The following ZCWPW2 variants were observed in gnomAD, a reference collection of about 807,000 sequenced individuals.
The protein encoded by ZCWPW2 is zinc finger CW-type and PWWP domain containing 2.
Under a neutral mutation model 46.6 loss-of-function variants are expected in ZCWPW2, and 45 were observed. The observed-to-expected ratio is 0.96, with a 90% CI of 0.76 to 1.24. The LOEUF is 1.24. Ranked by LOEUF, ZCWPW2 falls within the 50% of genes most tolerant of loss-of-function variation. The pLI, the probability that ZCWPW2 is intolerant of heterozygous loss-of-function variation, is 0.00. For missense variants in ZCWPW2, 429 were observed against 403.9 expected, an observed-to-expected ratio of 1.06 and a Z score of -0.53; for synonymous variants, 152 against 137.1, an observed-to-expected ratio of 1.11 and a Z score of -0.76.
intron 6 of ZCWPW2, among the ~76,000 whole-genome samples, chr3:28,498,608 C>T (rs777967065): frequency 6.6e-6 from 1 of 151,376 alleles, no homozygotes; most frequent in African/African-American, 2.4e-5. Flanking sequence ...CTCAGACTTA[C>T]AATAGTATCA....
At chr3:28,356,487 A>C (rs1704735955) in intron 1 of ZCWPW2, among the ~76,000 whole-genome samples, 1 of 152,260 alleles carries the variant, frequency 6.6e-6, no homozygotes, top group African/African-American at 2.4e-5. Flanking sequence ...TATTTGATCC[A>C]GCCATCCCAT....
At chr3:28,505,308 C>G (rs377319596) in intron 6 of ZCWPW2, among the ~76,000 whole-genome samples, 1 of 152,110 alleles carries the variant, frequency 6.6e-6, no homozygotes, top group African/African-American at 2.4e-5. Context: ...GTCTTATTGC[C>G]AGGGACTGGT....
chr3:28,480,283 C>A (rs1699382971), intron 5 of ZCWPW2, among the ~76,000 whole-genome samples: 1 of 152,124 alleles, frequency 6.6e-6, no homozygotes, highest in African/African-American at 2.4e-5. Context: ...GAGATAGTAT[C>A]TCATGGTTTT....
chr3:28,392,871 A>AATT (rs1267090618), intron 2 of ZCWPW2, among the ~76,000 whole-genome samples: 30 of 152,192 alleles, frequency 2.0e-4, no homozygotes, highest in African/African-American at 6.5e-4. Flanking sequence ...AAGAGTTTAA[A>AATT]TAAAGTTTAC....
At chr3:28,503,350 A>G (rs925521605) in intron 6 of ZCWPW2, among the ~76,000 whole-genome samples, 4 of 152,144 alleles carry the variant, frequency 2.6e-5, no homozygotes, top group African/African-American at 9.6e-5. Context: ...TTTGCTGATT[A>G]TATTTATTGA....
intron 4 of ZCWPW2, among the ~76,000 whole-genome samples, chr3:28,477,042 A>G (rs1342644191): frequency 6.6e-6 from 1 of 152,136 alleles, no homozygotes; most frequent in Non-Finnish European, 1.5e-5. Context: ...GGAATATTAT[A>G]GCAACTGTTC....
intron 2 of ZCWPW2, among the ~76,000 whole-genome samples, chr3:28,403,731 A>G (rs762880750): frequency 6.6e-6 from 1 of 152,188 alleles, no homozygotes; most frequent in Non-Finnish European, 1.5e-5. Context: ...AGAACTCAGA[A>G]ATAAACCCAA....
At chr3:28,506,810 G>A (rs1048708643) in intron 6 of ZCWPW2, among the ~76,000 whole-genome samples, 8 of 151,968 alleles carry the variant, frequency 5.3e-5, no homozygotes, top group Admixed American at 1.3e-4. Flanking sequence ...AAGTTCCCTC[G>A]GTCATATGCT....
At chr3:28,371,254 C>G (rs62251141) in intron 1 of ZCWPW2, among the ~76,000 whole-genome samples, 31,642 of 151,860 alleles carry the variant, frequency 0.21, 3,696 homozygotes, top group Admixed American at 0.28. Flanking sequence ...ATTTTTCTGA[C>G]GCTTGTTAAA....
chr3:28,487,724 T>A (rs1389684346), intron 5 of ZCWPW2, among the ~76,000 whole-genome samples: 1 of 152,142 alleles, frequency 6.6e-6, no homozygotes, highest in Non-Finnish European at 1.5e-5. Context: ...ATCATGATAG[T>A]TTAGCAGTGC....
chr3:28,439,568 T>TGGCAACTG lies in ZCWPW2; in HGVS notation c.492+4301_492+4308dup, dbSNP rs1478334255. Among the ~76,000 whole-genome samples the TGGCAACTG allele has an allele frequency of 7.9e-5, 12 of 152,256 alleles. No homozygotes were observed. In the East Asian group the frequency reaches 2.3e-3, roughly 29 times the overall value. ...TATTAACCATCACAAGCCCACCCCT[T>TGGCAACTG]GGCAACTGGAACCTATACACATCTC... On this transcript the variant is annotated intron_variant, in intron 4 of 9. Coordinates refer to ENST00000383768, the MANE Select transcript of ZCWPW2 (RefSeq NM_001040432.4).
At chr3:28,406,826 CTT>C (rs11337849) in intron 2 of ZCWPW2, among the ~76,000 whole-genome samples, 251 of 119,942 alleles carry the variant, frequency 2.1e-3, no homozygotes, top group African/African-American at 4.1e-3. Flanking sequence ...TCTTTTTTTT[CTT>C]TTTTTTTTTT....
At chr3:28,504,112 C>T (rs1226537570) in intron 6 of ZCWPW2, among the ~76,000 whole-genome samples, 1 of 151,826 alleles carries the variant, frequency 6.6e-6, no homozygotes, top group Non-Finnish European at 1.5e-5. Flanking sequence ...TGGGAGGATC[C>T]CCTGAGCCTA....
rs189046266 is a variant in ZCWPW2, at chr3:28,430,152, T to C, written c.333-4958T>C. Reference sequence around the variant, plus strand: ...AACTGGAAAAGCCACAGACACTCAATGCCAGCCTGTTAAAGCAACTGGGAG... The same window carrying C: ...AACTGGAAAAGCCACAGACACTCAACGCCAGCCTGTTAAAGCAACTGGGAG... On this transcript the variant is annotated intron_variant, in intron 3 of 9. Coordinates refer to ENST00000383768, the MANE Select transcript of ZCWPW2 (RefSeq NM_001040432.4). Among the ~76,000 whole-genome samples, 246 of 152,320 alleles carry C rather than the reference T, an allele frequency of 1.6e-3. 3 individuals carry two copies. Among genetic ancestry groups the C allele is most frequent in the African/African-American group, 5.6e-3 (231 of 41,564 alleles).
At chr3:28,416,867 C>G (rs10428073) in intron 3 of ZCWPW2, among the ~76,000 whole-genome samples, 61,710 of 121,382 alleles carry the variant, frequency 0.51, 16,311 homozygotes, top group Non-Finnish European at 0.54. Context: ...GGATGAAGCC[C>G]ACTTGATCAT....
intron 2 of ZCWPW2, among the ~76,000 whole-genome samples, chr3:28,412,770 A>G (rs1696454086): frequency 6.6e-6 from 1 of 152,050 alleles, no homozygotes; most frequent in Non-Finnish European, 1.5e-5. Context: ...GCTATATATT[A>G]GGTTAATAGA....
chr3:28,451,386 A>G (rs1487645204), intron 4 of ZCWPW2, among the ~76,000 whole-genome samples: 2 of 152,250 alleles, frequency 1.3e-5, no homozygotes, highest in Non-Finnish European at 2.9e-5. Context: ...CCATATATCA[A>G]GTCCAAATTC....
At chr3:28,404,698 C>T in intron 2 of ZCWPW2, among the ~76,000 whole-genome samples, 1 of 152,108 alleles carries the variant, frequency 6.6e-6, no homozygotes, top group Non-Finnish European at 1.5e-5. Flanking sequence ...ACTACTTAGC[C>T]ATTAAAAAGA....
rs149497051 is a variant in ZCWPW2, at chr3:28,473,867, G to A, written c.493-4947G>A. Reference sequence around the variant, plus strand: ...TATCAAGAGTACAAGGTTGGTTAACGGGCTGGGAAGGTTAATGGAGTGTCA... The same window carrying A: ...TATCAAGAGTACAAGGTTGGTTAACAGGCTGGGAAGGTTAATGGAGTGTCA... On this transcript the variant is annotated intron_variant, in intron 4 of 9. Coordinates refer to ENST00000383768, the MANE Select transcript of ZCWPW2 (RefSeq NM_001040432.4). Among the ~76,000 whole-genome samples the A allele has an allele frequency of 2.6e-3, 392 of 152,256 alleles. 1 individual carries two copies. The highest frequency in any genetic ancestry group is 8.5e-3 in the African/African-American group (353 of 41,530).
Sources: gnomAD v4.1 joint callset for allele counts (sites outside exome capture counted in the v4.1 genomes callset) on GRCh38, gnomAD v4.1.1 for gene constraint, MANE v1.5 for transcripts, NCBI Gene and HGNC (gene_info 2026-07-23, HGNC 2026-07-21) for gene names.